RBFOX3: variants seen among roughly 807,000 people sequenced by gnomAD.
RBFOX3 encodes RNA binding protein fox-1 homolog 3.
Under a neutral mutation model 48.7 loss-of-function variants are expected in RBFOX3, and 17 were observed. The ratio of observed to expected loss-of-function variants is 0.35; its 90% confidence interval spans 0.24 to 0.52. RBFOX3 has a LOEUF of 0.52. RBFOX3 is among the 20% of genes least tolerant of loss of function. RBFOX3 has a pLI of 0.94. For missense variants in RBFOX3, 382 were observed against 497.5 expected (o/e 0.77, Z 2.21); for synonymous variants, 212 against 209.5 (o/e 1.01, Z -0.10).
chr17:79,301,662 C>A (rs2075334274), intron 3 of RBFOX3, among the ~76,000 whole-genome samples: 1 of 152,174 alleles, frequency 6.6e-6, no homozygotes, highest in African/African-American at 2.4e-5. Flanking sequence ...CCACCCGCAG[C>A]AGCACTACTC....
intron 1 of RBFOX3, among the ~76,000 whole-genome samples, chr17:79,529,125 G>C (rs1006544005): frequency 1.8e-3 from 266 of 147,836 alleles, no homozygotes; most frequent in Non-Finnish European, 3.0e-3. Flanking sequence ...TTACATTCCA[G>C]TCTGAAGCTG....
intron 3 of RBFOX3, among the ~76,000 whole-genome samples, chr17:79,267,892 C>T (rs1416759849): frequency 5.3e-5 from 8 of 152,122 alleles, no homozygotes; most frequent in Admixed American, 3.9e-4. Context: ...GAGAAAAGGA[C>T]GGGAAGGAGG....
At chr17:79,428,147 CCT>C (rs1288342485) in intron 2 of RBFOX3, among the ~76,000 whole-genome samples, 1 of 152,246 alleles carries the variant, frequency 6.6e-6, no homozygotes, top group African/African-American at 2.4e-5. Context: ...GTCCTCGTTC[CCT>C]CTCTCTCTGT....
chr17:79,092,231 C>T (rs1042779404), intron 14 of RBFOX3: 32 of 985,524 alleles, frequency 3.2e-5, no homozygotes, highest in East Asian at 1.1e-4. Flanking sequence ...CCTCATAGGG[C>T]GCTACCGCTA....
chr17:79,520,106 C>T (rs962351416), intron 1 of RBFOX3, among the ~76,000 whole-genome samples: 1 of 152,206 alleles, frequency 6.6e-6, no homozygotes, highest in Non-Finnish European at 1.5e-5. Flanking sequence ...GAGTGAATTG[C>T]CCAAGTCATG....
chr17:79,557,225 C>CAAAA (rs1167997833), intron 1 of RBFOX3, among the ~76,000 whole-genome samples: 2 of 86,568 alleles, frequency 2.3e-5, no homozygotes, highest in Admixed American at 1.3e-4. Flanking sequence ...GACACTGTCT[C>CAAAA]AAAAAAAAAA....
chr17:79,550,571 G>A lies in RBFOX3; in HGVS notation c.-320+60255C>T, dbSNP rs1236482657. Among the ~76,000 whole-genome samples, 6 of 152,230 alleles carry A rather than the reference G, an allele frequency of 3.9e-5. No homozygotes were observed. In the East Asian group the frequency reaches 9.6e-4, roughly 24 times the overall value. On this transcript the variant is annotated intron_variant, in intron 1 of 14. Coordinates refer to ENST00000693108, the MANE Select transcript of RBFOX3 (RefSeq NM_001350451.2). ...ATGCTATAATCATTTACGGAATGAC[G>A]GAATGACAAAATGACTAAGTGGATG...
intron 4 of RBFOX3, among the ~76,000 whole-genome samples, chr17:79,232,119 C>T (rs923805100): frequency 2.0e-5 from 3 of 152,172 alleles, no homozygotes; most frequent in Admixed American, 2.0e-4. Flanking sequence ...GAAACCACCC[C>T]CATGGTCCAA....
At chr17:79,476,617 G>A (rs2077800690) in intron 2 of RBFOX3, among the ~76,000 whole-genome samples, 1 of 152,174 alleles carries the variant, frequency 6.6e-6, no homozygotes, top group South Asian at 2.1e-4. Flanking sequence ...AGGAAAGAGG[G>A]GATAAGGCAT....
intron 13 of RBFOX3, among the ~76,000 whole-genome samples, chr17:79,095,011 C>A (rs755706578): frequency 6.6e-6 from 1 of 152,128 alleles, no homozygotes; most frequent in African/African-American, 2.4e-5. Flanking sequence ...AGGGAACTCT[C>A]AGCTCCTTAG....
At chr17:79,169,107 C>T (rs143747248) in intron 4 of RBFOX3, among the ~76,000 whole-genome samples, 8 of 151,938 alleles carry the variant, frequency 5.3e-5, no homozygotes, top group Non-Finnish European at 8.8e-5. Flanking sequence ...CTGCACAGGG[C>T]GGATCCGTGG....
At chr17:79,511,021 C>A (rs946802404) in intron 1 of RBFOX3, among the ~76,000 whole-genome samples, 1 of 152,184 alleles carries the variant, frequency 6.6e-6, no homozygotes, top group African/African-American at 2.4e-5. Context: ...GGCTGCCCCC[C>A]AGAACCTCCT....
chr17:79,373,315 T>C (rs1284047041), intron 2 of RBFOX3, among the ~76,000 whole-genome samples: 1 of 152,050 alleles, frequency 6.6e-6, no homozygotes, highest in Admixed American at 6.5e-5. Context: ...CACATTTCCA[T>C]TTGGAGAAAA....
At position 79,390,850 on chromosome 17, in the gene RBFOX3, C is replaced by T. The variant is rs1033789474; in HGVS notation, c.-174-83026G>A. ...AGAGTTGAGGCAGCGGAACCCCTCA[C>T]CAGGAGGCACCTTCCTGCCCAGACA... On this transcript the variant is annotated intron_variant, in intron 2 of 14. Coordinates refer to ENST00000693108, the MANE Select transcript of RBFOX3 (RefSeq NM_001350451.2). This position sits in a 1 kb window ranked among gnomAD's most constrained non-coding sequence, Gnocchi z 4.2. Among the ~76,000 whole-genome samples, 5 of 152,206 alleles carry T rather than the reference C, an allele frequency of 3.3e-5. No homozygotes were observed. The highest frequency in any genetic ancestry group is 1.3e-4 in the Admixed American group (2 of 15,288).
At chr17:79,331,973 C>T (rs763119178) in intron 2 of RBFOX3, among the ~76,000 whole-genome samples, 2 of 152,250 alleles carry the variant, frequency 1.3e-5, no homozygotes, top group Non-Finnish European at 2.9e-5. Flanking sequence ...TCACTTCCTG[C>T]TGCTCTAGAC....
chr17:79,392,884 T>A lies in RBFOX3; in HGVS notation c.-174-85060A>T, dbSNP rs1292817610. Among the ~76,000 whole-genome samples the A allele has an allele frequency of 1.3e-5, 2 of 152,188 alleles. 1 individual carries two copies. The highest frequency in any genetic ancestry group is 2.9e-5 in the Non-Finnish European group (2 of 68,040). Reference sequence around the variant, plus strand: ...GCAGAGCTTCTCTGAGGAGAAAGGATTCCTTCTCATTTATCCTGACATGTA... The same window carrying A: ...GCAGAGCTTCTCTGAGGAGAAAGGAATCCTTCTCATTTATCCTGACATGTA... On this transcript the variant is annotated intron_variant, in intron 2 of 14. Transcript: ENST00000693108. This position sits in a 1 kb window ranked among gnomAD's most constrained non-coding sequence, Gnocchi z 5.0.
chr17:79,218,708 G>A (rs999066149), intron 4 of RBFOX3, among the ~76,000 whole-genome samples: 1 of 152,212 alleles, frequency 6.6e-6, no homozygotes, highest in Non-Finnish European at 1.5e-5. Flanking sequence ...TCTGCCTGCA[G>A]GCTCAGGGAA....
intron 2 of RBFOX3, among the ~76,000 whole-genome samples, chr17:79,438,787 G>A (rs1008563953): frequency 2.0e-5 from 3 of 152,240 alleles, no homozygotes; most frequent in Non-Finnish European, 4.4e-5. Flanking sequence ...GTTTCCTCTA[G>A]AAGGGAGGAG....
chr17:79,482,981 C>G lies in RBFOX3; in HGVS notation c.-319-383G>C, dbSNP rs1401940240. 3.3e-5 allele frequency among the ~76,000 whole-genome samples: 5 copies of G among 152,006 alleles called. No homozygotes were observed. The highest frequency in any genetic ancestry group is 4.8e-5 in the African/African-American group (2 of 41,358). ...TACCGCCCGCTCTTGCTTCCTCCCC[C>G]ACCCAGCCTAGATTCCAGGACCCAC... is the stretch of plus-strand genomic sequence containing the variant. On this transcript the variant is annotated intron_variant, in intron 1 of 14. Coordinates refer to ENST00000693108, the MANE Select transcript of RBFOX3 (RefSeq NM_001350451.2). This position sits in a 1 kb window ranked among gnomAD's most constrained non-coding sequence, Gnocchi z 4.1.
Sources: gnomAD v4.1 joint callset for allele counts (sites outside exome capture counted in the v4.1 genomes callset) on GRCh38, gnomAD v4.1.1 for gene constraint, Gnocchi (gnomAD v3.1) non-coding constraint, MANE v1.5 for transcripts, NCBI Gene and HGNC (gene_info 2026-07-23, HGNC 2026-07-21) for gene names.